Variants in TANC1 observed in about 807,000 individuals in gnomAD.
TANC1 encodes the protein tetratricopeptide repeat, ankyrin repeat and coiled-coil containing 1.
TANC1 carries 77 observed loss-of-function variants against 149.7 expected under a neutral mutation model. The observed-to-expected ratio is 0.51, with a 90% confidence interval of 0.43 to 0.62. The LOEUF is 0.62. Ranked by LOEUF, TANC1 falls within the 20% of genes least tolerant of loss-of-function variation. The pLI, the probability that TANC1 is intolerant of heterozygous loss-of-function variation, is 0.00. For synonymous variants in TANC1, 854 were observed against 925.0 expected (o/e 0.92, Z 1.39); for missense variants, 1,985 against 2,321.8 (o/e 0.85, Z 2.98).
chr2:159,033,538 T>C lies in TANC1; in HGVS notation c.-16+32349T>C, dbSNP rs1433048965. Among the ~76,000 whole-genome samples, 3 of 152,018 alleles carry C rather than the reference T, an allele frequency of 2.0e-5. No individual in the cohort carries two copies. The East Asian group carries it at 5.8e-4, about 29-fold the overall frequency. On this transcript the variant is annotated intron_variant, in intron 2 of 26. Transcript: ENST00000263635. ...TGGGATACACTTTGGGAAACATTGG[T>C]AAAGGATGGGTAAGGCAAAGCAGAT... is the stretch of plus-strand genomic sequence containing the variant.
intron 3 of TANC1, among the ~76,000 whole-genome samples, chr2:159,070,331 C>G (rs1198415375): frequency 6.6e-6 from 1 of 152,000 alleles, no homozygotes; most frequent in East Asian, 1.9e-4. Flanking sequence ...GATTTTCCCC[C>G]ACACACGCAT....
intron 4 of TANC1, among the ~76,000 whole-genome samples, chr2:159,100,911 A>C (rs1385250338): frequency 3.9e-5 from 6 of 152,116 alleles, no homozygotes; most frequent in Non-Finnish European, 8.8e-5. Context: ...GTGAATGTGT[A>C]CTGGATTTAA....
intron 11 of TANC1, among the ~76,000 whole-genome samples, chr2:159,174,467 CAGG>C (rs141769098): frequency 0.029 from 4,402 of 152,190 alleles, 85 homozygotes; most frequent in Non-Finnish European, 0.046. Context: ...CCCTCCTGAC[CAGG>C]AGAAGGAGCT....
intron 2 of TANC1, among the ~76,000 whole-genome samples, chr2:159,004,623 A>G (rs1019273456): frequency 3.3e-5 from 5 of 151,874 alleles, no homozygotes; most frequent in African/African-American, 1.2e-4. Flanking sequence ...ATGTTTATGT[A>G]TGTGTGTGGG....
intron 2 of TANC1, among the ~76,000 whole-genome samples, chr2:159,035,167 G>C (rs1377931681): frequency 6.6e-6 from 1 of 152,314 alleles, no homozygotes; most frequent in South Asian, 2.1e-4. Context: ...TTGCAAGAAA[G>C]TGATGACCAC....
At chr2:159,106,706 A>G (rs540908287) in intron 4 of TANC1, among the ~76,000 whole-genome samples, 4 of 152,356 alleles carry the variant, frequency 2.6e-5, no homozygotes, top group African/African-American at 7.2e-5. Context: ...TTGTTGAATC[A>G]TATGGTAGTT....
chr2:159,199,019 A>G lies in TANC1; in HGVS notation c.3210A>G (p.Glu1070=). The G allele has an allele frequency of 6.2e-7, 1 of 1,614,108 alleles. No individual in the cohort carries two copies. Among genetic ancestry groups the G allele is most frequent in the Non-Finnish European group, 8.5e-7 (1 of 1,179,976 alleles). Residue 1070 remains glutamate, a synonymous_variant, in exon 19 of 27, where the codon GAA becomes GAG. Transcript: ENST00000263635. ...LLGMEKEHEV[E]VNGTDTLWGE... ...GGATGGAGAAGGAACATGAAGTAGA[A>G]GTCAATGGCACCGACACATTGTGGG...
At position 159,231,697 on chromosome 2, in the gene TANC1, T is replaced by G. The variant is rs1162121565; in HGVS notation, c.*685T>G. ...TTGTGCTTGAAGGTGTTTTTGATATTTGGAAACAGTATAAGCCATTTGGAG... is the reference window on the plus strand; with the variant it reads ...TTGTGCTTGAAGGTGTTTTTGATATGTGGAAACAGTATAAGCCATTTGGAG... On this transcript the variant is annotated 3_prime_UTR_variant, in exon 27 of 27. Coordinates refer to ENST00000263635, the MANE Select transcript of TANC1 (RefSeq NM_033394.3). The G allele has an allele frequency of 6.6e-6, 1 of 152,158 alleles. No individual in the cohort carries two copies. The highest frequency in any genetic ancestry group is 1.5e-5 in the Non-Finnish European group (1 of 68,030). 9.4% of individuals were successfully genotyped at this position (152,158 alleles called of 1,614,324 possible).
chr2:159,079,621 A>C (rs563584891), intron 3 of TANC1, among the ~76,000 whole-genome samples: 1 of 152,222 alleles, frequency 6.6e-6, no homozygotes, highest in South Asian at 2.1e-4. Context: ...AGATTAAATA[A>C]ATTACAGTGC....
intron 22 of TANC1, among the ~76,000 whole-genome samples, chr2:159,220,616 G>A (rs560251518): frequency 2.1e-5 from 3 of 143,308 alleles, no homozygotes. Flanking sequence ...ATTAATTTTT[G>A]AGACACAGTC....
At chr2:159,225,958 G>C in intron 24 of TANC1, 179 bp downstream of exon 24, 1 of 639,802 alleles carries the variant, frequency 1.6e-6, no homozygotes, top group Non-Finnish European at 2.8e-6. Context: ...GAGGTGGGCA[G>C]ATCACTTGAG....
rs567591896 is a variant in TANC1 at position 159,009,615 on chromosome 2, T to C, written c.-16+8426T>C. Among the ~76,000 whole-genome samples the C allele has an allele frequency of 1.9e-4, 29 of 152,186 alleles. 1 individual carries two copies. The highest frequency in any genetic ancestry group is 6.7e-4 in the African/African-American group (28 of 41,530). On this transcript the variant is annotated intron_variant, in intron 2 of 26. Transcript: ENST00000263635. ...GGAAGTTTTGGAGGAGGGATGGAGC[T>C]AGCTAGAGGTTGGTTAACAGATACA... is the stretch of plus-strand genomic sequence containing the variant.
chr2:159,220,933 G>T (rs1328236794), intron 22 of TANC1, among the ~76,000 whole-genome samples: 1 of 152,190 alleles, frequency 6.6e-6, no homozygotes. Flanking sequence ...GGGGTACAGT[G>T]ATGTTTTGAT....
At chr2:159,113,481 T>G (rs149584868) in intron 4 of TANC1, among the ~76,000 whole-genome samples, 187 of 152,340 alleles carry the variant, frequency 1.2e-3, no homozygotes, top group African/African-American at 4.4e-3. Flanking sequence ...TATGGGTCTT[T>G]GAGAGGATTG....
chr2:159,220,928 A>C (rs1226982955), intron 22 of TANC1, among the ~76,000 whole-genome samples: 3 of 152,252 alleles, frequency 2.0e-5, no homozygotes, highest in African/African-American at 7.2e-5. Flanking sequence ...TTTATGGGGT[A>C]CAGTGATGTT....
intron 2 of TANC1, among the ~76,000 whole-genome samples, chr2:159,039,655 G>T (rs1171489700): frequency 6.6e-6 from 1 of 152,194 alleles, no homozygotes; most frequent in African/African-American, 2.4e-5. Context: ...ATGTAGTTGT[G>T]CAGTTTTGAG....
chr2:159,082,081 G>A (rs560649382), intron 3 of TANC1, among the ~76,000 whole-genome samples: 61 of 152,354 alleles, frequency 4.0e-4, no homozygotes, highest in African/African-American at 1.4e-3. Context: ...CCCATCTGGG[G>A]GTGCCCTGCT....
chr2:159,185,826 G>T lies in TANC1; in HGVS notation c.2546G>T (p.Arg849Leu). ...GCGCTCTTGGCATTCATGTTCTCGC[G>T]TCAGGAGGGCAAGTTGAACCGCCAG... The part of the protein sequence containing the change: ...GHALLAFMFS[R>L]QEGKLNRQQT... The change falls in exon 15 of 27, where the codon CGT becomes CTT. Residue 849 changes from arginine (R) to leucine (L), a missense_variant. By Grantham distance (102) the Arg-to-Leu change is moderately radical. Transcript: ENST00000263635. 1 of 1,614,114 alleles carries T rather than the reference G, an allele frequency of 6.2e-7. No homozygotes were observed. Among genetic ancestry groups the T allele is most frequent in the African/African-American group, 1.3e-5 (1 of 75,028 alleles).
rs548326284 is a variant in TANC1 at position 159,196,381 on chromosome 2, T to C, written c.2980-227T>C. ...GGGACATGGGAGTAAGGAGGGTGTT[T>C]TGTGACCCTGAATCTTGCAAAGGGA... On this transcript the variant is annotated intron_variant, in intron 17 of 26. Transcript: ENST00000263635. Among the ~76,000 whole-genome samples, 14 of 152,306 alleles carry C rather than the reference T, an allele frequency of 9.2e-5. No individual in the cohort carries two copies. The East Asian group carries it at 1.5e-3, about 17-fold the overall frequency.
Sources: gnomAD v4.1 joint callset for allele counts (sites outside exome capture counted in the v4.1 genomes callset) on GRCh38, gnomAD v4.1.1 for gene constraint, MANE v1.5 for transcripts, NCBI Gene and HGNC (gene_info 2026-07-23, HGNC 2026-07-21) for gene names.